PRR14: variants seen among roughly 807,000 people sequenced by gnomAD.
PRR14 encodes proline-rich protein 14.
Under a neutral mutation model 57.2 loss-of-function variants are expected in PRR14, and 33 were observed. That is an observed-to-expected ratio of 0.58 (90% CI 0.44 to 0.77). The LOEUF is 0.77. Ranked by LOEUF, PRR14 falls within the 30% of genes least tolerant of loss-of-function variation. PRR14 has a pLI of 0.00. For missense variants in PRR14, 716 were observed against 788.1 expected (o/e 0.91, Z 1.10); for synonymous variants, 303 against 314.7 (o/e 0.96, Z 0.39).
chr16:30,653,439 G>T, intron 6 of PRR14, 31 bp downstream of exon 6: 1 of 1,606,256 alleles, frequency 6.2e-7, no homozygotes, highest in South Asian at 1.1e-5. Flanking sequence ...ATTATCAAAG[G>T]ATCCAGGCAA....
chr16:30,655,849 C>T lies in PRR14; in HGVS notation c.1407-19C>T, dbSNP rs2052366355. 6 of 1,613,980 alleles carry T rather than the reference C, an allele frequency of 3.7e-6. No individual in the cohort carries two copies. The highest frequency in any genetic ancestry group is 8.5e-7 in the Non-Finnish European group (1 of 1,179,884). On this transcript the variant is annotated intron_variant, in intron 10 of 11. Transcript: ENST00000300835. The surrounding 1 kb of genome is among the most constrained non-coding windows in gnomAD (Gnocchi z 4.6). The stretch of plus-strand genomic sequence containing the variant: ...CACTGGCCCAAGGTTTCTCAGTGGC[C>T]TCTGCTCTTTGCTCACAGGTTGAAC...
intron 3 of PRR14, 57 bp downstream of exon 3, chr16:30,652,021 A>T: frequency 6.7e-7 from 1 of 1,497,848 alleles, no homozygotes; most frequent in Non-Finnish European, 8.9e-7. Flanking sequence ...TCACTACCAA[A>T]CTCGGGCCAG....
At position 30,651,133 on chromosome 16, in the gene PRR14, A is replaced by T. The variant is rs1319503825; in HGVS notation, c.-51+6A>T. On this transcript the variant is annotated splice_donor_region_variant and intron_variant, in intron 1 of 11. Transcript: ENST00000300835. The surrounding 1 kb of genome is among the most constrained non-coding windows in gnomAD (Gnocchi z 5.0). Reference sequence around the variant, plus strand: ...CTGATTGGCGGAACCGCGCTGTAGGATTCTTTCCTCAGGGATCCAGTCTAG... The same window carrying T: ...CTGATTGGCGGAACCGCGCTGTAGGTTTCTTTCCTCAGGGATCCAGTCTAG... 1 of 444,350 alleles carries T rather than the reference A, an allele frequency of 2.3e-6. No homozygotes were observed. Among genetic ancestry groups the T allele is most frequent in the African/African-American group, 2.0e-5 (1 of 49,816 alleles). 27.5% of individuals were successfully genotyped at this position (444,350 alleles called of 1,614,324 possible).
At chr16:30,654,161 T>C in intron 6 of PRR14, 69 bp from the exon 7 acceptor site, 5 of 1,009,548 alleles carry the variant, frequency 5.0e-6, no homozygotes, top group Non-Finnish European at 7.8e-6. Context: ...CCTTAAGGGA[T>C]AGGGGAGTTG....
intron 3 of PRR14, 138 bp downstream of exon 3, chr16:30,652,102 G>A: frequency 1.0e-6 from 1 of 960,252 alleles, no homozygotes; most frequent in East Asian, 2.6e-5. Context: ...CCTCCCTCAT[G>A]GTAGAGTCCT....
chr16:30,652,238 T>C, intron 3 of PRR14: 1 of 607,678 alleles, frequency 1.6e-6, no homozygotes, highest in East Asian at 3.2e-5. Context: ...CTATCTTTTT[T>C]TTTTTTTTAG....
chr16:30,651,695 T>A lies in PRR14; in HGVS notation c.23+27T>A, dbSNP rs1250572253. On this transcript the variant is annotated intron_variant, in intron 2 of 11. Transcript: ENST00000300835. The surrounding 1 kb of genome is among the most constrained non-coding windows in gnomAD (Gnocchi z 5.0). The stretch of plus-strand genomic sequence containing the variant: ...TGAGAGCGTACCCGGGCGGCCCGCC[T>A]GTCTTGACCCCGGGAGATGGGGATC... The A allele has an allele frequency of 6.2e-7, 1 of 1,611,846 alleles. No homozygotes were observed. The highest frequency in any genetic ancestry group is 8.5e-7 in the Non-Finnish European group (1 of 1,179,564).
Position 30,652,833 on chromosome 16 carries a change from C to A in PRR14, c.305C>A (p.Ser102Ter), listed in dbSNP as rs148681344. Residue 102 changes from serine (S) to a stop codon, truncating the protein, a stop_gained, in exon 4 of 12, where the codon TCG (serine) becomes TAG (stop). Coordinates refer to ENST00000300835, the MANE Select transcript of PRR14 (RefSeq NM_024031.5). LOFTEE classifies it high-confidence loss of function. Reference protein sequence around the residue: ...ASPPRQAGWSSQARPPDPLCL... With the variant: ...ASPPRQAGWS Reference sequence around the variant, plus strand: ...CCACCCCGGCAGGCCGGGTGGTCCTCGCAGGCCAGGTGAGCATGGCAGGAT... The same window carrying A: ...CCACCCCGGCAGGCCGGGTGGTCCTAGCAGGCCAGGTGAGCATGGCAGGAT... The A allele has an allele frequency of 6.2e-7, 1 of 1,614,146 alleles. No homozygotes were observed. Among genetic ancestry groups the A allele is most frequent in the Non-Finnish European group, 8.5e-7 (1 of 1,180,028 alleles).
chr16:30,651,503 G>A lies in PRR14; in HGVS notation c.-50-93G>A, dbSNP rs1484789686. On this transcript the variant is annotated intron_variant, in intron 1 of 11. Coordinates refer to ENST00000300835, the MANE Select transcript of PRR14 (RefSeq NM_024031.5). This position sits in a 1 kb window ranked among gnomAD's most constrained non-coding sequence, Gnocchi z 5.0. ...CGCGCCCCAGGGCTGCGGCCGCTGG[G>A]CTACGGGGAGCCGCGGGCGGACCAT... 3 of 592,358 alleles carry A rather than the reference G, an allele frequency of 5.1e-6. No individual in the cohort carries two copies. In the East Asian group the frequency reaches 1.0e-4, roughly 20 times the overall value. The allele number at this position is 592,358 out of a possible 1,614,324, so 36.7% of individuals were successfully genotyped here. A position where few individuals can be genotyped will look rare whatever the true frequency, so the allele number is the denominator to read the frequency against.
chr16:30,651,561 TCACCCCCC>T lies in PRR14; in HGVS notation c.-50-34_-50-27del. ...GGAGCCCCAGGGAAGGGGCCGGCCC[TCACCCCCC>T]GCTCCCCCGCTCCCCCCTTACCCCA... On this transcript the variant is annotated intron_variant, in intron 1 of 11. Transcript: ENST00000300835. This position sits in a 1 kb window ranked among gnomAD's most constrained non-coding sequence, Gnocchi z 5.0. 1 of 815,580 alleles carries T rather than the reference TCACCCCCC, an allele frequency of 1.2e-6. No homozygotes were observed. The highest frequency in any genetic ancestry group is 3.3e-5 in the East Asian group (1 of 30,702). The allele number at this position is 815,580 out of a possible 1,614,324, so 50.5% of individuals were successfully genotyped here. A position where few individuals can be genotyped will look rare whatever the true frequency, so the allele number is the denominator to read the frequency against.
Position 30,651,124 on chromosome 16 carries a change from C to T in PRR14, c.-54C>T, listed in dbSNP as rs1270600478. 1 of 448,926 alleles carries T rather than the reference C, an allele frequency of 2.2e-6. No individual in the cohort carries two copies. The highest frequency in any genetic ancestry group is 4.5e-6 in the Non-Finnish European group (1 of 221,080). The allele number at this position is 448,926 out of a possible 1,614,324, so 27.8% of individuals were successfully genotyped here. ...GCCCGGCGTCTGATTGGCGGAACCG[C>T]GCTGTAGGATTCTTTCCTCAGGGAT... On this transcript the variant is annotated 5_prime_UTR_variant, in exon 1 of 12. Coordinates refer to ENST00000300835, the MANE Select transcript of PRR14 (RefSeq NM_024031.5). The surrounding 1 kb of genome is among the most constrained non-coding windows in gnomAD (Gnocchi z 5.0).
At position 30,654,993 on chromosome 16, in the gene PRR14, C is replaced by T; in HGVS notation, c.1023C>T (p.Gly341=). 6.2e-7 allele frequency: 1 copy of T among 1,610,688 alleles called. No homozygotes were observed. Among genetic ancestry groups the T allele is most frequent in the East Asian group, 2.2e-5 (1 of 44,880 alleles). ...SYSCPDLGPP[G]PGTCTWPPAP... Reference sequence around the variant, plus strand: ...CCTGCCCTGATCTGGGGCCCCCTGGCCCAGGTACCTGCACCTGGCCACCTG... The same window carrying T: ...CCTGCCCTGATCTGGGGCCCCCTGGTCCAGGTACCTGCACCTGGCCACCTG... The change falls in exon 8 of 12, where the codon GGC becomes GGT. Residue 341 remains glycine (G), a synonymous_variant. Transcript: ENST00000300835.
At position 30,655,436 on chromosome 16, in the gene PRR14, G is replaced by A. The variant is rs372486407; in HGVS notation, c.1314+16G>A. ...TGAGACCAAGGTAGGCATTCAGATCGGGTAGAAGAGACTAGTGGGGGCCTG... is the reference window on the plus strand; with the variant it reads ...TGAGACCAAGGTAGGCATTCAGATCAGGTAGAAGAGACTAGTGGGGGCCTG... On this transcript the variant is annotated intron_variant, in intron 9 of 11. Coordinates refer to ENST00000300835, the MANE Select transcript of PRR14 (RefSeq NM_024031.5). The surrounding 1 kb of genome is among the most constrained non-coding windows in gnomAD (Gnocchi z 4.6). The A allele has an allele frequency of 4.4e-5, 71 of 1,613,946 alleles. No homozygotes were observed. The highest frequency in any genetic ancestry group is 3.6e-4 in the East Asian group (16 of 44,892).
chr16:30,651,592 C>G lies in PRR14; in HGVS notation c.-50-4C>G. 1 of 1,445,832 alleles carries G rather than the reference C, an allele frequency of 6.9e-7. No individual in the cohort carries two copies. Among genetic ancestry groups the G allele is most frequent in the African/African-American group, 1.4e-5 (1 of 70,304 alleles). 89.6% of individuals were successfully genotyped at this position (1,445,832 alleles called of 1,614,324 possible). On this transcript the variant is annotated splice_region_variant and splice_polypyrimidine_tract_variant and intron_variant, in intron 1 of 11. Transcript: ENST00000300835. This position sits in a 1 kb window ranked among gnomAD's most constrained non-coding sequence, Gnocchi z 5.0. ...CCCGCTCCCCCGCTCCCCCCTTACC[C>G]CAGGCCGCAGCCTGGGATTCCCCAG...
rs550044923 is a variant in PRR14, at chr16:30,650,991, A to G, written c.-187A>G. 2 of 455,876 alleles carry G rather than the reference A, an allele frequency of 4.4e-6. No homozygotes were observed. Among genetic ancestry groups the G allele is most frequent in the Non-Finnish European group, 8.8e-6 (2 of 226,286 alleles). 28.2% of individuals were successfully genotyped at this position (455,876 alleles called of 1,614,324 possible). A position where few individuals can be genotyped will look rare whatever the true frequency, so the allele number is the denominator to read the frequency against. On this transcript the variant is annotated 5_prime_UTR_variant, in exon 1 of 12. Coordinates refer to ENST00000300835, the MANE Select transcript of PRR14 (RefSeq NM_024031.5). ...GGAGTGAAGAGGGTATCTGCTTGAC[A>G]GTGGATCCCTGGGGATCTACGCTGA...
Position 30,651,696 on chromosome 16 carries a change from G to C in PRR14, c.23+28G>C. On this transcript the variant is annotated intron_variant, in intron 2 of 11. Coordinates refer to ENST00000300835, the MANE Select transcript of PRR14 (RefSeq NM_024031.5). This position sits in a 1 kb window ranked among gnomAD's most constrained non-coding sequence, Gnocchi z 5.0. ...GAGAGCGTACCCGGGCGGCCCGCCTGTCTTGACCCCGGGAGATGGGGATCC... is the reference window on the plus strand; with the variant it reads ...GAGAGCGTACCCGGGCGGCCCGCCTCTCTTGACCCCGGGAGATGGGGATCC... 6.2e-7 allele frequency: 1 copy of C among 1,612,418 alleles called. No individual in the cohort carries two copies. Among genetic ancestry groups the C allele is most frequent in the African/African-American group, 1.3e-5 (1 of 75,020 alleles).
At position 30,654,661 on chromosome 16, in the gene PRR14, C is replaced by A. The variant is rs1567539149; in HGVS notation, c.691C>A (p.Pro231Thr). The A allele has an allele frequency of 6.2e-7, 1 of 1,611,898 alleles. No individual in the cohort carries two copies. The highest frequency in any genetic ancestry group is 8.5e-7 in the Non-Finnish European group (1 of 1,178,800). The change falls in exon 8 of 12, where the codon CCA becomes ACA. Residue 231 changes from proline (P) to threonine (T), a missense_variant. Pro to Thr is a conservative substitution (Grantham distance 38). Coordinates refer to ENST00000300835, the MANE Select transcript of PRR14 (RefSeq NM_024031.5). ...PDPALELPST[P>T]PPSSLLRPRL... ...TCCTGCTCTGGAGCTCCCATCCACC[C>A]CACCACCGTCCAGCCTTTTACGCCC...
At position 30,652,672 on chromosome 16, in the gene PRR14, G is replaced by A. The variant is rs556981965; in HGVS notation, c.193-49G>A. The A allele has an allele frequency of 1.2e-4, 199 of 1,612,720 alleles. 1 individual carries two copies. The East Asian group carries it at 4.0e-3, about 33-fold the overall frequency. ...GTGAGGCACAGGGAAACCTTGTCCC[G>A]TCCAGCCTCATTCTATCACCTTGCT... On this transcript the variant is annotated intron_variant, in intron 3 of 11. Transcript: ENST00000300835.
chr16:30,652,752 T>C lies in PRR14; in HGVS notation c.224T>C (p.Ile75Thr), dbSNP rs372788671. The change falls in exon 4 of 12, where the codon ATA becomes ACA. Residue 75 changes from isoleucine (I) to threonine (T), a missense_variant. By Grantham distance (89) the Ile-to-Thr change is moderately conservative (BLOSUM62 -1). Coordinates refer to ENST00000300835, the MANE Select transcript of PRR14 (RefSeq NM_024031.5). ...VPVVPSKQTS[I>T]PQHHSYHQDP... is the part of the protein sequence containing the mutation. Reference sequence around the variant, plus strand: ...GTGGTGCCCTCAAAGCAGACCTCCATACCACAGCACCACAGCTACCATCAG... The same window carrying C: ...GTGGTGCCCTCAAAGCAGACCTCCACACCACAGCACCACAGCTACCATCAG... 8 of 1,614,142 alleles carry C rather than the reference T, an allele frequency of 5.0e-6. No individual in the cohort carries two copies. The African/African-American group carries it at 8.0e-5, about 16-fold the overall frequency.
Sources: allele counts gnomAD v4.1 joint callset, GRCh38; gene constraint gnomAD v4.1.1; non-coding constraint Gnocchi (gnomAD v3.1); transcripts MANE v1.5; gene names NCBI Gene and HGNC (gene_info 2026-07-23, HGNC 2026-07-21).